Variants in ZNF475 observed in about 807,000 individuals in gnomAD.
ZNF475 encodes the protein zinc finger protein 475.
the ZNF475 span, among the ~76,000 whole-genome samples, chr5:122,181,389 G>A: frequency 3.3e-5 from 5 of 152,084 alleles, no homozygotes; most frequent in African/African-American, 7.2e-5. Flanking sequence ...CATGAGTAAC[G>A]AGAAAGTCAG....
the ZNF475 span, among the ~76,000 whole-genome samples, chr5:122,170,946 C>A: frequency 6.6e-6 from 1 of 152,186 alleles, no homozygotes; most frequent in African/African-American, 2.4e-5. Flanking sequence ...AAGCTCCTAT[C>A]ACCCCTGTCA....
At chr5:122,182,505 G>T in the ZNF475 span, 6 of 1,486,588 alleles carry the variant, frequency 4.0e-6, no homozygotes, top group Middle Eastern at 3.4e-4. Flanking sequence ...AGGCTTCTAT[G>T]ATCTTGATGC....
chr5:122,182,511 G>T, the ZNF475 span: 1 of 1,502,344 alleles, frequency 6.7e-7, no homozygotes, highest in South Asian at 1.3e-5. Flanking sequence ...CTATGATCTT[G>T]ATGCTTTAAA....
the ZNF475 span, chr5:122,179,918 G>C: frequency 2.8e-5 from 13 of 457,432 alleles, no homozygotes; most frequent in Non-Finnish European, 4.2e-5. Context: ...CTGATGCTGA[G>C]ACATAAAGAC....
At chr5:122,178,835 C>T in the ZNF475 span, among the ~76,000 whole-genome samples, 2 of 152,202 alleles carry the variant, frequency 1.3e-5, no homozygotes, top group East Asian at 3.9e-4. Context: ...AATGGTATTG[C>T]CTAGGTTTTC....
chr5:122,176,780 TTAGG>T, the ZNF475 span, among the ~76,000 whole-genome samples: 1 of 152,238 alleles, frequency 6.6e-6, no homozygotes, highest in Non-Finnish European at 1.5e-5. Context: ...ATGTTCAAAC[TTAGG>T]TAGGCCTTTT....
the ZNF475 span, among the ~76,000 whole-genome samples, chr5:122,176,399 T>C: frequency 6.6e-6 from 1 of 152,236 alleles, no homozygotes; most frequent in African/African-American, 2.4e-5. Flanking sequence ...TCTACAATTA[T>C]GTCAAACTCA....
At chr5:122,160,757 T>A in the ZNF475 span, among the ~76,000 whole-genome samples, 4 of 152,210 alleles carry the variant, frequency 2.6e-5, no homozygotes, top group Non-Finnish European at 5.9e-5. Context: ...CTCGAAAAGT[T>A]AATCTAACTT....
chr5:122,177,944 T>C, the ZNF475 span, among the ~76,000 whole-genome samples: 3 of 152,108 alleles, frequency 2.0e-5, no homozygotes, highest in Non-Finnish European at 4.4e-5. Flanking sequence ...CCTCCCCATG[T>C]CCATGTCTTC....
the ZNF475 span, among the ~76,000 whole-genome samples, chr5:122,167,315 T>G: frequency 1.3e-5 from 2 of 152,290 alleles, no homozygotes; most frequent in South Asian, 2.1e-4. Flanking sequence ...TGCTTCCTAA[T>G]GGACTTTCTC....
the ZNF475 span, chr5:122,160,338 G>A: frequency 8.7e-7 from 1 of 1,155,422 alleles, no homozygotes; most frequent in African/African-American, 1.6e-5. Flanking sequence ...TGTATTACAT[G>A]TGTGGAATAT....
chr5:122,161,219 G>A, the ZNF475 span, among the ~76,000 whole-genome samples: 1 of 152,326 alleles, frequency 6.6e-6, no homozygotes, highest in Admixed American at 6.5e-5. Flanking sequence ...CCTACAAATT[G>A]AAGAAAGGGC....
At chr5:122,174,145 G>T in the ZNF475 span, among the ~76,000 whole-genome samples, 2 of 152,116 alleles carry the variant, frequency 1.3e-5, no homozygotes, top group Admixed American at 6.5e-5. Flanking sequence ...TTGCTAAGAG[G>T]GGGCCTTCTG....
At chr5:122,170,911 G>A in the ZNF475 span, among the ~76,000 whole-genome samples, 89 of 152,220 alleles carry the variant, frequency 5.8e-4, no homozygotes, top group African/African-American at 1.7e-3. Context: ...TCAGAAACAG[G>A]GAAAAGGACC....
chr5:122,175,929 T>G, the ZNF475 span, among the ~76,000 whole-genome samples: 1 of 152,200 alleles, frequency 6.6e-6, no homozygotes, highest in Non-Finnish European at 1.5e-5. Flanking sequence ...TGTATTGTTC[T>G]CTTCCTTGAC....
chr5:122,164,714 G>A, the ZNF475 span, among the ~76,000 whole-genome samples: 16 of 152,296 alleles, frequency 1.1e-4, no homozygotes, highest in African/African-American at 3.8e-4. Context: ...AAAAGTCCAG[G>A]ATCCTAGGGA....
At chr5:122,181,519 G>C in the ZNF475 span, among the ~76,000 whole-genome samples, 3 of 152,142 alleles carry the variant, frequency 2.0e-5, no homozygotes, top group Non-Finnish European at 4.4e-5. Flanking sequence ...AAATTTCCAT[G>C]GAGCAAGAAA....
At chr5:122,168,997 T>A in the ZNF475 span, among the ~76,000 whole-genome samples, 1 of 152,168 alleles carries the variant, frequency 6.6e-6, no homozygotes, top group Non-Finnish European at 1.5e-5. Flanking sequence ...GGGAGACACT[T>A]AGAACATGTT....
chr5:122,179,138 A>G, the ZNF475 span, among the ~76,000 whole-genome samples: 4 of 152,130 alleles, frequency 2.6e-5, no homozygotes. Context: ...TGGTTACTGT[A>G]GTCTTGTAGT....
Sources: allele counts gnomAD v4.1 joint callset (sites outside exome capture counted in the v4.1 genomes callset), GRCh38; gene constraint gnomAD v4.1.1; transcripts MANE v1.5; gene names NCBI Gene and HGNC (gene_info 2026-07-23, HGNC 2026-07-21).